The following KCNT2 variants were observed in gnomAD, a reference collection of about 807,000 sequenced individuals.
The protein encoded by KCNT2 is potassium channel subfamily T member 2.
KCNT2 carries 67 observed loss-of-function variants against 153.8 expected under a neutral mutation model. The ratio of observed to expected loss-of-function variants is 0.44; its 90% CI spans 0.36 to 0.53. The LOEUF is 0.53. Among genes scored for constraint, KCNT2 ranks in the 20% least tolerant of loss-of-function variants. The probability of loss-of-function intolerance (pLI) is 0.00; values close to 1 mark genes in which losing one functional copy is unlikely to be tolerated. For missense variants in KCNT2, 975 were observed against 1,354.8 expected, an observed-to-expected ratio of 0.72 and a Z score of 4.40; for synonymous variants, 500 against 458.8, an observed-to-expected ratio of 1.09 and a Z score of -1.15.
intron 14 of KCNT2, among the ~76,000 whole-genome samples, chr1:196,371,866 A>T (rs1668567640): frequency 6.6e-6 from 1 of 152,006 alleles, no homozygotes; most frequent in Non-Finnish European, 1.5e-5. Context: ...TTATTTTATC[A>T]CTCATGTATA....
At chr1:196,437,324 A>G (rs1378362111) in intron 8 of KCNT2, among the ~76,000 whole-genome samples, 2 of 135,590 alleles carry the variant, frequency 1.5e-5, no homozygotes, top group Non-Finnish European at 3.1e-5. Flanking sequence ...ATTTATATAC[A>G]TAAACATATT....
intron 12 of KCNT2, among the ~76,000 whole-genome samples, chr1:196,403,797 C>A (rs1671614877): frequency 6.6e-6 from 1 of 151,576 alleles, no homozygotes; most frequent in South Asian, 2.1e-4. Context: ...TGTAGAGTCA[C>A]AAACCTTGGG....
rs571468998 is a variant in KCNT2 at position 196,333,963 on chromosome 1, A to C, written c.1881T>G (p.Pro627=). The C allele has an allele frequency of 6.2e-7, 1 of 1,612,884 alleles. No individual in the cohort carries two copies. The highest frequency in any genetic ancestry group is 2.2e-5 in the East Asian group (1 of 44,758). The change falls in exon 17 of 28, where the codon CCT becomes CCG. Residue 627 remains proline, a synonymous_variant. Transcript: ENST00000294725. ...PTEGSKEIRR[P]SIAPVLEVAD... Reference sequence around the variant, plus strand: ...CAACCTCTAAAACAGGAGCAATGCTAGGTCTTCTTATTTCTTTGCTTCCCT... The same window carrying C: ...CAACCTCTAAAACAGGAGCAATGCTCGGTCTTCTTATTTCTTTGCTTCCCT...
At chr1:196,456,276 T>A (rs1003965941) in intron 8 of KCNT2, among the ~76,000 whole-genome samples, 27 of 152,094 alleles carry the variant, frequency 1.8e-4, no homozygotes, top group Admixed American at 4.6e-4. Context: ...TCCTTTTTTT[T>A]TAAGTATGTT....
intron 1 of KCNT2, among the ~76,000 whole-genome samples, chr1:196,514,843 C>T (rs1475047916): frequency 5.3e-5 from 8 of 152,166 alleles, no homozygotes; most frequent in African/African-American, 7.2e-5. Flanking sequence ...CTTTTAGAAT[C>T]GCGAAACTAT....
At chr1:196,591,608 C>T (rs1663373546) in intron 1 of KCNT2, among the ~76,000 whole-genome samples, 1 of 152,126 alleles carries the variant, frequency 6.6e-6, no homozygotes, top group Non-Finnish European at 1.5e-5. Flanking sequence ...CTCCAATGCT[C>T]TCATAGTACA....
intron 5 of KCNT2, among the ~76,000 whole-genome samples, chr1:196,477,147 GT>G (rs767081831): frequency 2.7e-5 from 4 of 149,814 alleles, no homozygotes; most frequent in East Asian, 3.9e-4. Flanking sequence ...AGAAATTAGT[GT>G]TTTTTTTAAG....
intron 1 of KCNT2, among the ~76,000 whole-genome samples, chr1:196,514,332 T>G (rs1681879177): frequency 6.6e-6 from 1 of 152,186 alleles, no homozygotes; most frequent in African/African-American, 2.4e-5. Flanking sequence ...TTCTGACCAT[T>G]TTTTTCTAAT....
intron 1 of KCNT2, among the ~76,000 whole-genome samples, chr1:196,563,242 T>C (rs1386644875): frequency 2.0e-5 from 3 of 151,868 alleles, no homozygotes; most frequent in African/African-American, 7.2e-5. Flanking sequence ...GGTTAGAATT[T>C]TTGTTCCAAC....
At chr1:196,394,572 A>G (rs1171674442) in intron 13 of KCNT2, among the ~76,000 whole-genome samples, 1 of 151,626 alleles carries the variant, frequency 6.6e-6, no homozygotes. Context: ...TAGAAATCTA[A>G]TAAGAGATAT....
chr1:196,592,262 A>G (rs1340643325), intron 1 of KCNT2, among the ~76,000 whole-genome samples: 1 of 151,992 alleles, frequency 6.6e-6, no homozygotes, highest in African/African-American at 2.4e-5. Context: ...TAAGTCAGAA[A>G]TGACATCTTT....
chr1:196,316,133 A>G, intron 20 of KCNT2, 107 bp from the exon 21 acceptor site: 2 of 945,802 alleles, frequency 2.1e-6, no homozygotes, highest in Non-Finnish European at 3.1e-6. Flanking sequence ...TTGCCTTTAG[A>G]GGTGGCTTTT....
Position 196,373,466 on chromosome 1 carries a change from C to T in KCNT2, c.1295-218G>A, listed in dbSNP as rs116023311. On this transcript the variant is annotated intron_variant, in intron 13 of 27. Transcript: ENST00000294725. ...TGATTGGCTTGGGGGTCACTCCTGT[C>T]TCAACAAATTTAGCAACCTTTGCTA... Among the ~76,000 whole-genome samples, 683 of 151,904 alleles carry T rather than the reference C, an allele frequency of 4.5e-3. 4 individuals are homozygous for T. Among genetic ancestry groups the T allele is most frequent in the African/African-American group, 0.015 (622 of 41,522 alleles).
intron 1 of KCNT2, among the ~76,000 whole-genome samples, chr1:196,533,214 C>G (rs1190592526): frequency 6.6e-6 from 1 of 152,080 alleles, no homozygotes; most frequent in Non-Finnish European, 1.5e-5. Context: ...GTGATTCTGA[C>G]AGAATGACTA....
chr1:196,365,991 A>G (rs976742637), intron 14 of KCNT2, among the ~76,000 whole-genome samples: 1 of 152,098 alleles, frequency 6.6e-6, no homozygotes, highest in African/African-American at 2.4e-5. Context: ...TGGGGTTTAT[A>G]TGGTCATGAC....
chr1:196,432,090 C>G lies in KCNT2; in HGVS notation c.639-2333G>C, dbSNP rs375229602. 1.4e-4 allele frequency among the ~76,000 whole-genome samples: 22 copies of G among 152,190 alleles called. 1 individual carries two copies. In the South Asian group the frequency reaches 4.6e-3, roughly 32 times the overall value. On this transcript the variant is annotated intron_variant, in intron 8 of 27. Transcript: ENST00000294725. ...GCTTTCTTCATTCTGGTGCAGTGCT[C>G]TTTGGCTACCCCAAGTGCTGGTCAA...
chr1:196,327,258 C>T (rs967330609), intron 18 of KCNT2, among the ~76,000 whole-genome samples: 7 of 151,624 alleles, frequency 4.6e-5, no homozygotes, highest in Non-Finnish European at 1.0e-4. Context: ...AATTAGGTAA[C>T]TTCAGGAACA....
At chr1:196,273,020 ATCT>A (rs1658214410) in intron 25 of KCNT2, among the ~76,000 whole-genome samples, 1 of 151,916 alleles carries the variant, frequency 6.6e-6, no homozygotes, top group African/African-American at 2.4e-5. Context: ...TAAGTAAAAC[ATCT>A]TCTGAAATAA....
intron 14 of KCNT2, among the ~76,000 whole-genome samples, chr1:196,370,488 C>G (rs1417051906): frequency 1.3e-5 from 2 of 151,826 alleles, no homozygotes; most frequent in African/African-American, 4.8e-5. Context: ...TTGTATTAGT[C>G]AGAGTACTGG....
Sources: allele counts gnomAD v4.1 joint callset (sites outside exome capture counted in the v4.1 genomes callset), GRCh38; gene constraint gnomAD v4.1.1; transcripts MANE v1.5; gene names NCBI Gene and HGNC (gene_info 2026-07-23, HGNC 2026-07-21).